NCOR2: variants seen among roughly 807,000 people sequenced by gnomAD.
NCOR2 encodes nuclear receptor corepressor 2.
NCOR2 carries 81 observed loss-of-function variants against 262.9 expected under a neutral mutation model. The observed-to-expected ratio is 0.31, with a 90% CI of 0.26 to 0.37. The LOEUF (loss-of-function observed/expected upper bound fraction) is 0.37, where lower values mean the gene tolerates loss of function less well. Ranked by LOEUF, NCOR2 falls within the 10% of genes least tolerant of loss-of-function variation. The pLI is 1.00. For synonymous variants in NCOR2, 1,659 were observed against 1,559.3 expected (o/e 1.06, Z -1.51); for missense variants, 3,385 against 3,621.4 (o/e 0.93, Z 1.68).
chr12:124,493,006 C>T lies in NCOR2; in HGVS notation c.105+2141G>A, dbSNP rs533241237. 1.7e-3 allele frequency among the ~76,000 whole-genome samples: 259 copies of T among 152,346 alleles called. 2 individuals carry two copies. The highest frequency in any genetic ancestry group is 5.6e-3 in the African/African-American group (233 of 41,582). On this transcript the variant is annotated intron_variant, in intron 1 of 46. Coordinates refer to ENST00000405201, the Ensembl canonical transcript of NCOR2. Reference sequence around the variant, plus strand: ...GCCCCCACACAAGGACAGACATGTTCTCACCTGTGGCCGCCAGGCTGGGCC... The same window carrying T: ...GCCCCCACACAAGGACAGACATGTTTTCACCTGTGGCCGCCAGGCTGGGCC...
chr12:124,532,386 T>C (rs2050849913), intron 1 of NCOR2, among the ~76,000 whole-genome samples: 3 of 152,176 alleles, frequency 2.0e-5, no homozygotes, highest in Non-Finnish European at 4.4e-5. Flanking sequence ...GCAGAGCATC[T>C]GCCTGCCTCA....
intron 1 of NCOR2, among the ~76,000 whole-genome samples, chr12:124,544,803 C>T (rs2051489232): frequency 6.6e-6 from 1 of 152,098 alleles, no homozygotes; most frequent in Non-Finnish European, 1.5e-5. Context: ...GGGCCTGAGA[C>T]CCAGATCAAA....
intron 1 of NCOR2, among the ~76,000 whole-genome samples, chr12:124,552,155 A>C (rs972792448): frequency 7.2e-5 from 11 of 152,036 alleles, no homozygotes; most frequent in African/African-American, 2.7e-4. Context: ...CCTCATCTCT[A>C]CTAAAAATCA....
At position 124,477,589 on chromosome 12, in the gene NCOR2, CG is replaced by C. The variant is rs2047173884; in HGVS notation, c.412-4459del. Among the ~76,000 whole-genome samples, 3 of 152,356 alleles carry C rather than the reference CG, an allele frequency of 2.0e-5. No individual in the cohort carries two copies. The South Asian group carries it at 6.2e-4, about 32-fold the overall frequency. On this transcript the variant is annotated intron_variant, in intron 3 of 46. Transcript: ENST00000405201. Reference sequence around the variant, plus strand: ...ACATTGTAAATGTCCTACAAGCCAACGAGCTCTTCACTTTAATGTGGTTACT... The same window carrying C: ...ACATTGTAAATGTCCTACAAGCCAACAGCTCTTCACTTTAATGTGGTTACT...
chr12:124,334,028 G>GTGCGC (rs1593094229), intron 41 of NCOR2, among the ~76,000 whole-genome samples: 3 of 150,520 alleles, frequency 2.0e-5, no homozygotes, highest in Non-Finnish European at 3.0e-5. Context: ...GTGCATGTGT[G>GTGCGC]GAAAGGCTGC....
rs2045011544 is a variant in NCOR2 at position 124,444,331 on chromosome 12, C to T, written c.815+5484G>A. ...AAGTCAGGGTTTAAAAACACACACC[C>T]TATAAGGAAACCTAGTCTTGCCATC... On this transcript the variant is annotated intron_variant, in intron 7 of 46. Transcript: ENST00000405201. 2.0e-5 allele frequency among the ~76,000 whole-genome samples: 3 copies of T among 152,228 alleles called. No homozygotes were observed. In the South Asian group the frequency reaches 6.2e-4, roughly 32 times the overall value.
intron 17 of NCOR2, among the ~76,000 whole-genome samples, chr12:124,381,805 C>T (rs750944707): frequency 9.9e-5 from 15 of 152,172 alleles, no homozygotes; most frequent in Non-Finnish European, 8.8e-5. Context: ...ACGTGGAAGC[C>T]GAGCCCCAGG....
At chr12:124,397,533 G>A (rs115849800) in intron 16 of NCOR2, among the ~76,000 whole-genome samples, 2,998 of 152,262 alleles carry the variant, frequency 0.02, 88 homozygotes, top group African/African-American at 0.068. Context: ...CTGGCTCCCT[G>A]CCGTGTGAGC....
rs897290480 is a variant in NCOR2 at position 124,357,494 on chromosome 12, T to C, written c.3101-712A>G. Among the ~76,000 whole-genome samples the C allele has an allele frequency of 1.6e-4, 24 of 152,128 alleles. 1 individual carries two copies. The highest frequency in any genetic ancestry group is 5.6e-4 in the African/African-American group (23 of 41,418). ...TTGTTTTTGTAGAGATGAGGTCTTG[T>C]TATGTGTGCCCAGGCTGGTCTTGAA... On this transcript the variant is annotated intron_variant, in intron 22 of 46. Coordinates refer to ENST00000405201, the Ensembl canonical transcript of NCOR2.
chr12:124,534,080 A>G (rs937855201), intron 1 of NCOR2, among the ~76,000 whole-genome samples: 2 of 152,108 alleles, frequency 1.3e-5, no homozygotes, highest in African/African-American at 4.8e-5. Context: ...TACCACCTGT[A>G]CGGCGTGTGG....
Position 124,440,137 on chromosome 12 carries a change from G to A in NCOR2, c.816-2141C>T, listed in dbSNP as rs1213533838. ...AACTTGCTGTCTGTCCCCAATCCGC[G>A]GCATTCAGTGGCACCCGCTTTTCTG... On this transcript the variant is annotated intron_variant, in intron 7 of 46. Coordinates refer to ENST00000405201, the Ensembl canonical transcript of NCOR2. The surrounding 1 kb of genome is among the most constrained non-coding windows in gnomAD (Gnocchi z 5.7). Among the ~76,000 whole-genome samples, 8 of 152,266 alleles carry A rather than the reference G, an allele frequency of 5.3e-5. No individual in the cohort carries two copies. Among genetic ancestry groups the A allele is most frequent in the Non-Finnish European group, 7.4e-5 (5 of 68,014 alleles).
intron 20 of NCOR2, among the ~76,000 whole-genome samples, chr12:124,371,546 G>A (rs958596569): frequency 6.6e-6 from 1 of 152,224 alleles, no homozygotes; most frequent in Non-Finnish European, 1.5e-5. Flanking sequence ...AGCCAAAGAC[G>A]GAGTGGCATG....
chr12:124,444,154 A>G (rs2044998987), intron 7 of NCOR2, among the ~76,000 whole-genome samples: 1 of 152,108 alleles, frequency 6.6e-6, no homozygotes, highest in Non-Finnish European at 1.5e-5. Flanking sequence ...TGTTTAGGCA[A>G]TGAAGATGCA....
intron 7 of NCOR2, among the ~76,000 whole-genome samples, chr12:124,442,750 C>T (rs753600141): frequency 6.6e-6 from 1 of 152,102 alleles, no homozygotes; most frequent in African/African-American, 2.4e-5. Flanking sequence ...AGTCCTAAGC[C>T]CCAGCACCTC....
chr12:124,421,890 C>T (rs1017535682), intron 12 of NCOR2, among the ~76,000 whole-genome samples: 3 of 152,204 alleles, frequency 2.0e-5, no homozygotes, highest in East Asian at 1.9e-4. Context: ...TTGTGTCTAC[C>T]GGCCACCTGG....
In NCOR2 at chr12:124,340,118, G is replaced by C. The variant is rs896066066; in HGVS notation, c.5575C>G (p.Pro1859Ala). 3 of 1,612,670 alleles carry C rather than the reference G, an allele frequency of 1.9e-6. No homozygotes were observed. In the South Asian group the frequency reaches 3.3e-5, roughly 18 times the overall value. Residue 1859 changes from proline (P) to alanine (A), a missense_variant, in exon 37 of 47, where the codon CCC (proline) becomes GCC (alanine). Physicochemically the swap from Pro to Ala is conservative, Grantham distance 27. Around this residue, in one of 5 missense-constraint regions of NCOR2, gnomAD observed 1,017 missense variants for 967.2 expected, o/e 1.05. Coordinates refer to ENST00000405201, the Ensembl canonical transcript of NCOR2. ...GCATCCTGGGTCCGAGGGGAGATGGGCGAGTGCTGGTGGGCATGGGAGTGG... is the reference window on the plus strand; with the variant it reads ...GCATCCTGGGTCCGAGGGGAGATGGCCGAGTGCTGGTGGGCATGGGAGTGG...
chr12:124,372,547 T>A (rs370533497), exon 20 of NCOR2: 2 of 1,597,408 alleles, frequency 1.3e-6, no homozygotes, highest in Non-Finnish European at 1.7e-6. Flanking sequence ...CTGCCCTGTG[T>A]CCTTGGCGGC....
At chr12:124,339,954 A>C in intron 37 of NCOR2, 52 bp downstream of exon 39, 4 of 1,554,102 alleles carry the variant, frequency 2.6e-6, no homozygotes, top group South Asian at 1.1e-5. Flanking sequence ...TCATCCTCCT[A>C]CTGACCACCC....
intron 37 of NCOR2, chr12:124,337,459 C>T (rs1279415269): frequency 9.4e-6 from 6 of 641,318 alleles, no homozygotes; most frequent in East Asian, 3.1e-5. Flanking sequence ...GGTCATAAAA[C>T]GGATGCAAGC....
Sources: allele counts gnomAD v4.1 joint callset (sites outside exome capture counted in the v4.1 genomes callset), GRCh38; gene constraint gnomAD v4.1.1; regional missense constraint gnomAD v4.1.1; non-coding constraint Gnocchi (gnomAD v3.1); transcripts MANE v1.5; gene names NCBI Gene and HGNC (gene_info 2026-07-23, HGNC 2026-07-21).